The following PCNT variants were observed in gnomAD, a reference collection of about 807,000 sequenced individuals.
PCNT encodes kendrin.
In PCNT, 319 loss-of-function variants were observed where a neutral mutation model predicts 380.4. The observed-to-expected ratio is 0.84, with a 90% CI of 0.77 to 0.92. PCNT has a LOEUF of 0.92. Ranked by LOEUF, PCNT falls within the 40% of genes least tolerant of loss-of-function variation. The pLI, the probability that PCNT is intolerant of heterozygous loss-of-function variation, is 0.00. For missense variants in PCNT, 4,400 were observed against 4,255.3 expected (o/e 1.03, Z -0.95); for synonymous variants, 1,845 against 1,735.2 (o/e 1.06, Z -1.57).
In PCNT at chr21:46,441,092, C is replaced by A; in HGVS notation, c.9623+8C>A. 6.4e-7 allele frequency: 1 copy of A among 1,554,506 alleles called. No homozygotes were observed. Among genetic ancestry groups the A allele is most frequent in the Non-Finnish European group, 8.9e-7 (1 of 1,125,650 alleles). ...GGTCATTGCAATATTAAGGTAAATGCCATGACGTTCAGTCAGTGCGTTCCG... is the reference window on the plus strand; with the variant it reads ...GGTCATTGCAATATTAAGGTAAATGACATGACGTTCAGTCAGTGCGTTCCG... On this transcript the variant is annotated splice_region_variant and intron_variant, in intron 43 of 46. Transcript: ENST00000359568.
intron 27 of PCNT, among the ~76,000 whole-genome samples, chr21:46,406,240 A>T (rs548257830): frequency 6.6e-6 from 1 of 152,230 alleles, no homozygotes; most frequent in South Asian, 2.1e-4. Context: ...CTCATCCTCA[A>T]TGTGGGCCCT....
At chr21:46,350,097 T>C (rs1244605963) in intron 8 of PCNT, among the ~76,000 whole-genome samples, 1 of 152,126 alleles carries the variant, frequency 6.6e-6, no homozygotes, top group Non-Finnish European at 1.5e-5. Flanking sequence ...GAGAATCGCT[T>C]GAACCTAGGA....
In PCNT at chr21:46,416,681, A is replaced by G. The variant is rs780944750; in HGVS notation, c.6763A>G (p.Ser2255Gly). 5 of 1,563,408 alleles carry G rather than the reference A, an allele frequency of 3.2e-6. No individual in the cohort carries two copies. In the African/African-American group the frequency reaches 4.1e-5, roughly 13 times the overall value. ...CCACTCAGGAGCCCTGAGCCTGTGC[A>G]GTGCCGACACATCCCTGGGGGACAG... ...TPHSGALSLC[S>G]ADTSLGDRAD... The change falls in exon 30 of 47, where the codon AGT becomes GGT. Residue 2255 changes from serine to glycine, a missense_variant. Physicochemically the swap from Ser to Gly is moderately conservative, Grantham distance 56 (BLOSUM62 0). Transcript: ENST00000359568.
chr21:46,349,756 A>G lies in PCNT; in HGVS notation c.1280A>G (p.His427Arg). The G allele has an allele frequency of 6.3e-7, 1 of 1,596,634 alleles. No homozygotes were observed. Reference protein sequence around the residue: ...EKLREDLQSEHGRCLEDLEFK... With the variant: ...EKLREDLQSERGRCLEDLEFK... ...TTACGTGAAGACCTGCAGTCCGAGC[A>G]CGGCCGGTGTTTAGAAGACTTGGAG... The change falls in exon 8 of 47, where the codon CAC (histidine) becomes CGC (arginine). Residue 427 changes from histidine (H) to arginine (R), a missense_variant. His to Arg is a conservative substitution (Grantham distance 29). Transcript: ENST00000359568.
intron 14 of PCNT, among the ~76,000 whole-genome samples, chr21:46,366,305 C>G (rs931786137): frequency 6.6e-6 from 1 of 152,286 alleles, no homozygotes; most frequent in African/African-American, 2.4e-5. Flanking sequence ...TGTGCCATCT[C>G]TTGCTGAGGG....
intron 17 of PCNT, among the ~76,000 whole-genome samples, chr21:46,387,319 G>A (rs913659619): frequency 3.3e-5 from 5 of 152,166 alleles, no homozygotes; most frequent in Non-Finnish European, 7.3e-5. Context: ...TGGGTGTCTC[G>A]TAGCTTGGTG....
chr21:46,443,791 TTAAA>T lies in PCNT; in HGVS notation c.9701-15_9701-12del. ...ATTTATTTTCCTAATCCCTTGGTTG[TTAAA>T]TAATTCTGGGGAAGGGCCCCGAGCA... On this transcript the variant is annotated splice_polypyrimidine_tract_variant and intron_variant, in intron 44 of 46. Coordinates refer to ENST00000359568, the MANE Select transcript of PCNT (RefSeq NM_006031.6). 6.2e-7 allele frequency: 1 copy of T among 1,613,450 alleles called. No individual in the cohort carries two copies. Among genetic ancestry groups the T allele is most frequent in the Non-Finnish European group, 8.5e-7 (1 of 1,179,560 alleles).
chr21:46,418,422 C>T (rs1358073821), intron 31 of PCNT, 116 bp downstream of exon 31: 2 of 725,364 alleles, frequency 2.8e-6, no homozygotes, highest in East Asian at 2.7e-5. Flanking sequence ...CGCTGACCTC[C>T]ACCCCGGCTC....
chr21:46,362,623 T>C (rs2146839042), intron 13 of PCNT, among the ~76,000 whole-genome samples: 1 of 152,206 alleles, frequency 6.6e-6, no homozygotes, highest in Admixed American at 6.5e-5. Context: ...AGTTCAGTAG[T>C]TTATTGACCT....
At position 46,416,082 on chromosome 21, in the gene PCNT, T is replaced by C. The variant is rs765108425; in HGVS notation, c.6164T>C (p.Val2055Ala). 14 of 1,614,074 alleles carry C rather than the reference T, an allele frequency of 8.7e-6. No individual in the cohort carries two copies. The South Asian group carries it at 1.5e-4, about 18-fold the overall frequency. Residue 2055 changes from valine to alanine, a missense_variant, in exon 30 of 47, where the codon GTA becomes GCA. Val to Ala is a moderately conservative substitution (Grantham distance 64). Transcript: ENST00000359568. ...LEDGGKGKEK[V>A]LEDCQLPKVD... is the part of the protein sequence containing the mutation. Reference sequence around the variant, plus strand: ...TTTCACCTGCAGGGTAAAGAAAAAGTACTGGAAGATTGTCAGCTGCCGAAG... The same window carrying C: ...TTTCACCTGCAGGGTAAAGAAAAAGCACTGGAAGATTGTCAGCTGCCGAAG...
At chr21:46,333,584 G>A (rs1236058776) in intron 2 of PCNT, among the ~76,000 whole-genome samples, 2 of 150,966 alleles carry the variant, frequency 1.3e-5, no homozygotes, top group Non-Finnish European at 3.0e-5. Context: ...GGGCGACGGA[G>A]TGAAACTTTG....
chr21:46,325,227 C>G (rs1012439127), intron 1 of PCNT: 24 of 983,052 alleles, frequency 2.4e-5, no homozygotes, highest in South Asian at 1.4e-4. Context: ...GCCGCTCCCC[C>G]CCAGGATGTT....
chr21:46,433,319 G>A (rs1456015783), intron 38 of PCNT, among the ~76,000 whole-genome samples: 1 of 152,270 alleles, frequency 6.6e-6, no homozygotes, highest in Non-Finnish European at 1.5e-5. Context: ...CAAGGCGGAG[G>A]TTGCAGTGAG....
At chr21:46,439,528 C>G (rs2053552410) in intron 41 of PCNT, among the ~76,000 whole-genome samples, 1 of 152,222 alleles carries the variant, frequency 6.6e-6, no homozygotes, top group Non-Finnish European at 1.5e-5. Context: ...TCTCTAAGAT[C>G]ACTTGCAGCA....
In PCNT at chr21:46,342,339, T is replaced by G. The variant is rs543060440; in HGVS notation, c.640-3789T>G. Among the ~76,000 whole-genome samples the G allele has an allele frequency of 3.3e-5, 5 of 152,224 alleles. No homozygotes were observed. In the South Asian group the frequency reaches 1.0e-3, roughly 32 times the overall value. ...CCAGGCTGGTCTTGAACTCCTGACC[T>G]CAGGTGATCTGCCCCCCTCGCCCTC... On this transcript the variant is annotated intron_variant, in intron 3 of 46. Transcript: ENST00000359568.
chr21:46,366,689 G>A lies in PCNT; in HGVS notation c.2715G>A (p.Gln905=). Residue 905 remains glutamine (Q), a synonymous_variant, in exon 15 of 47, where the codon CAG becomes CAA. Coordinates refer to ENST00000359568, the MANE Select transcript of PCNT (RefSeq NM_006031.6). ...ATGCCCGTGAGCTGCAGCTCCTCCA[G>A]GAGAGACACCAGCAGCAGCTCCTGT... The part of the protein sequence containing the change: ...EQHARELQLL[Q]ERHQQQLLSV... 6.2e-7 allele frequency: 1 copy of A among 1,613,886 alleles called. No homozygotes were observed. Among genetic ancestry groups the A allele is most frequent in the Non-Finnish European group, 8.5e-7 (1 of 1,180,038 alleles).
intron 7 of PCNT, 78 bp from the exon 8 acceptor site, chr21:46,349,606 G>T: frequency 6.8e-7 from 1 of 1,478,438 alleles, no homozygotes; most frequent in Non-Finnish European, 9.5e-7. Flanking sequence ...CGCTCTGGGT[G>T]CACCATTATT....
rs2087284955 is a variant in PCNT at position 46,422,275 on chromosome 21, G to A, written c.7179+151G>A. On this transcript the variant is annotated intron_variant, in intron 32 of 46. Coordinates refer to ENST00000359568, the MANE Select transcript of PCNT (RefSeq NM_006031.6). ...CCTGCATTTTAATGACTCACGGGAG[G>A]CAGCCCCACGGTGGCCCCGGAAGCC... The A allele has an allele frequency of 3.8e-6, 4 of 1,056,700 alleles. No individual in the cohort carries two copies. In the East Asian group the frequency reaches 1.0e-4, roughly 28 times the overall value. The allele number at this position is 1,056,700 out of a possible 1,614,324, so 65.5% of individuals were successfully genotyped here.
intron 41 of PCNT, among the ~76,000 whole-genome samples, chr21:46,439,397 A>C (rs2053549270): frequency 6.6e-6 from 1 of 151,790 alleles, no homozygotes; most frequent in South Asian, 2.1e-4. Context: ...AGTGCAGTGG[A>C]GCAGTCACAG....
Sources: gnomAD v4.1 joint callset for allele counts (sites outside exome capture counted in the v4.1 genomes callset) on GRCh38, gnomAD v4.1.1 for gene constraint, MANE v1.5 for transcripts, NCBI Gene and HGNC (gene_info 2026-07-23, HGNC 2026-07-21) for gene names.